The following TPO variants were observed in gnomAD, a reference collection of about 807,000 sequenced individuals.
The protein encoded by TPO is thyroid peroxidase.
In TPO, 78 loss-of-function variants were observed where a neutral mutation model predicts 96.9. That is an observed-to-expected ratio of 0.81 (90% CI 0.67 to 0.97). The LOEUF (loss-of-function observed/expected upper bound fraction) is 0.97. TPO is among the 50% of genes least tolerant of loss of function. The pLI, the probability that TPO is intolerant of heterozygous loss-of-function variation, is 0.00. For synonymous variants in TPO, 547 were observed against 538.0 expected (o/e 1.02, Z -0.23); for missense variants, 1,252 against 1,274.8 (o/e 0.98, Z 0.27).
intron 1 of TPO, among the ~76,000 whole-genome samples, chr2:1,384,641 A>G (rs1311854893): frequency 6.6e-6 from 1 of 152,152 alleles, no homozygotes; most frequent in African/African-American, 2.4e-5. Flanking sequence ...TAAATATACA[A>G]TCATGTCATC....
chr2:1,399,277 C>A (rs529007170), intron 1 of TPO, among the ~76,000 whole-genome samples: 6 of 152,222 alleles, frequency 3.9e-5, no homozygotes, highest in Non-Finnish European at 5.9e-5. Flanking sequence ...ATTTTCTGCG[C>A]GGAGCTTCTC....
At chr2:1,502,866 A>G (rs1290636281) in intron 13 of TPO, among the ~76,000 whole-genome samples, 1 of 152,190 alleles carries the variant, frequency 6.6e-6, no homozygotes, top group Non-Finnish European at 1.5e-5. Flanking sequence ...TGAGAAAACC[A>G]GCATGGGCCA....
intron 3 of TPO, among the ~76,000 whole-genome samples, chr2:1,428,929 G>T (rs1664703213): frequency 6.6e-6 from 1 of 152,104 alleles, no homozygotes; most frequent in African/African-American, 2.4e-5. Flanking sequence ...TCTTTGGCTG[G>T]CATCCATGAA....
At chr2:1,515,441 G>T in intron 14 of TPO, among the ~76,000 whole-genome samples, 1 of 152,226 alleles carries the variant, frequency 6.6e-6, no homozygotes. Flanking sequence ...AGGAGCCCAG[G>T]AGGAAAAGTC....
intron 7 of TPO, among the ~76,000 whole-genome samples, chr2:1,464,571 G>A (rs905996381): frequency 6.6e-5 from 10 of 152,026 alleles, no homozygotes; most frequent in South Asian, 2.1e-4. Flanking sequence ...TCTATTATTC[G>A]TTGATTTTTT....
chr2:1,383,438 T>G (rs1348135324), intron 1 of TPO, among the ~76,000 whole-genome samples: 1 of 152,242 alleles, frequency 6.6e-6, no homozygotes, highest in African/African-American at 2.4e-5. Context: ...AGAGATGATA[T>G]CTCATTGTGG....
chr2:1,488,382 G>C (rs1034520429), intron 10 of TPO, among the ~76,000 whole-genome samples: 1 of 152,080 alleles, frequency 6.6e-6, no homozygotes, highest in Non-Finnish European at 1.5e-5. Context: ...AGCCTGCAAA[G>C]ATCATTCCGT....
At chr2:1,489,442 A>AC (rs756149111) in intron 10 of TPO, among the ~76,000 whole-genome samples, 17 of 151,832 alleles carry the variant, frequency 1.1e-4, no homozygotes, top group Non-Finnish European at 2.2e-4. Flanking sequence ...AGAGTGGGGG[A>AC]CCCCCTCCCG....
intron 1 of TPO, among the ~76,000 whole-genome samples, chr2:1,395,460 T>C (rs1029442568): frequency 3.9e-5 from 6 of 152,250 alleles, no homozygotes; most frequent in African/African-American, 1.4e-4. Context: ...GTTTCTTTTA[T>C]GTCTAACATA....
At chr2:1,457,926 G>A (rs1201795827) in intron 7 of TPO, among the ~76,000 whole-genome samples, 2 of 151,578 alleles carry the variant, frequency 1.3e-5, no homozygotes, top group Non-Finnish European at 2.9e-5. Context: ...GGGCACGTGT[G>A]TATATGGCAC....
In TPO at chr2:1,504,578, T is replaced by C. The variant is rs565357749; in HGVS notation, c.2518+499T>C. Among the ~76,000 whole-genome samples, 104 of 152,308 alleles carry C rather than the reference T, an allele frequency of 6.8e-4. 2 individuals are homozygous for C. Among genetic ancestry groups the C allele is most frequent in the African/African-American group, 2.3e-3 (96 of 41,580 alleles). Reference sequence around the variant, plus strand: ...TCAACATCTGCCTCGGATGGCCTTGTCCAGTCCCCCAGCTCTGCACTCAGC... The same window carrying C: ...TCAACATCTGCCTCGGATGGCCTTGCCCAGTCCCCCAGCTCTGCACTCAGC... On this transcript the variant is annotated intron_variant, in intron 14 of 16. Transcript: ENST00000329066.
At chr2:1,413,910 C>T (rs537881855) in intron 1 of TPO, among the ~76,000 whole-genome samples, 28 of 152,290 alleles carry the variant, frequency 1.8e-4, no homozygotes, top group Non-Finnish European at 3.7e-4. Flanking sequence ...TTTGTCTTAA[C>T]AACTAGAATT....
chr2:1,515,381 G>A (rs983313058), intron 14 of TPO, among the ~76,000 whole-genome samples: 4 of 152,208 alleles, frequency 2.6e-5, no homozygotes, highest in African/African-American at 7.2e-5. Flanking sequence ...ACTCCCCTGC[G>A]TCTGTGAAAG....
intron 14 of TPO, chr2:1,512,244 T>G: frequency 3.6e-6 from 1 of 278,536 alleles, no homozygotes; most frequent in Non-Finnish European, 5.4e-6. Flanking sequence ...TTCACCATGT[T>G]AGCCAGGATG....
At chr2:1,479,806 C>CAG (rs1553316491) in intron 8 of TPO, among the ~76,000 whole-genome samples, 4 of 150,828 alleles carry the variant, frequency 2.7e-5, no homozygotes, top group South Asian at 2.1e-4. Context: ...TTTTTTGAGA[C>CAG]AGTCTCACTC....
intron 1 of TPO, among the ~76,000 whole-genome samples, chr2:1,397,561 C>T (rs962970984): frequency 1.3e-5 from 2 of 152,214 alleles, no homozygotes; most frequent in South Asian, 2.1e-4. Flanking sequence ...ATAGCCAGCT[C>T]TCGGCCCTCT....
intron 15 of TPO, among the ~76,000 whole-genome samples, chr2:1,534,807 T>TC (rs1258792667): frequency 1.8e-5 from 2 of 112,982 alleles, no homozygotes; most frequent in African/African-American, 7.6e-5. Context: ...CCTCCCCAAA[T>TC]CCCCCCCACT....
At chr2:1,498,395 C>T (rs1314331631) in intron 13 of TPO, among the ~76,000 whole-genome samples, 2 of 152,204 alleles carry the variant, frequency 1.3e-5, no homozygotes, top group African/African-American at 4.8e-5. Flanking sequence ...ACAAAGCTGG[C>T]CTGGGGAACG....
chr2:1,431,909 T>C (rs1236294077), intron 3 of TPO, among the ~76,000 whole-genome samples: 1 of 152,208 alleles, frequency 6.6e-6, no homozygotes, highest in Non-Finnish European at 1.5e-5. Context: ...GGAAGGAGGT[T>C]CTCCTGCCAG....
Sources: allele counts gnomAD v4.1 joint callset (sites outside exome capture counted in the v4.1 genomes callset), GRCh38; gene constraint gnomAD v4.1.1; transcripts MANE v1.5; gene names NCBI Gene and HGNC (gene_info 2026-07-23, HGNC 2026-07-21).